The following C9orf85 variants were observed in gnomAD, a reference collection of about 807,000 sequenced individuals.
The protein encoded by C9orf85 is uncharacterized protein C9orf85.
In C9orf85, 16 loss-of-function variants were observed where a neutral mutation model predicts 14.9. That is an observed-to-expected ratio of 1.08 (90% CI 0.73 to 1.63). The LOEUF (loss-of-function observed/expected upper bound fraction) is 1.63. C9orf85 is among the 40% of genes most tolerant of loss of function. The pLI is 0.00. For missense variants in C9orf85, 172 were observed against 186.1 expected (o/e 0.92, Z 0.44); for synonymous variants, 45 against 56.8 (o/e 0.79, Z 0.93).
At chr9:71,939,006 A>T (rs903650564) in intron 1 of C9orf85, among the ~76,000 whole-genome samples, 5 of 151,794 alleles carry the variant, frequency 3.3e-5, no homozygotes, top group Non-Finnish European at 5.9e-5. Flanking sequence ...GTAAATATAT[A>T]CTTGAAGTGC....
intron 1 of C9orf85, among the ~76,000 whole-genome samples, chr9:71,930,493 G>C (rs974179797): frequency 2.0e-5 from 3 of 151,908 alleles, no homozygotes; most frequent in Admixed American, 6.6e-5. Flanking sequence ...ATGGCTATGT[G>C]GACAGTAAAG....
At chr9:71,976,527 T>TG (rs1822998741), downstream of C9orf85, among the ~76,000 whole-genome samples, 1 of 152,106 alleles carries the variant, frequency 6.6e-6, no homozygotes, top group Admixed American at 6.6e-5. Flanking sequence ...CCGGGCGTGG[T>TG]GGCGGGCGCC....
intron 1 of C9orf85, among the ~76,000 whole-genome samples, chr9:71,922,451 G>C (rs1355594306): frequency 6.6e-6 from 1 of 152,074 alleles, no homozygotes; most frequent in Non-Finnish European, 1.5e-5. Flanking sequence ...GCCCTACCTG[G>C]CTATTCCTGG....
chr9:71,913,803 A>T (rs938360328), intron 1 of C9orf85, among the ~76,000 whole-genome samples: 2 of 147,496 alleles, frequency 1.4e-5, no homozygotes, highest in African/African-American at 4.9e-5. Flanking sequence ...GGTGTTATCT[A>T]ATAACTATGT....
chr9:71,918,329 TA>T, intron 1 of C9orf85: 1 of 655,228 alleles, frequency 1.5e-6, no homozygotes, highest in Non-Finnish European at 2.3e-6. Context: ...TCTTCAGAAA[TA>T]AAAACAAGTT....
chr9:71,955,520 A>G (rs1822360459), intron 2 of C9orf85, among the ~76,000 whole-genome samples: 1 of 152,282 alleles, frequency 6.6e-6, no homozygotes, highest in Middle Eastern at 3.4e-3. Context: ...AAGTACATAA[A>G]CAGCTGGATT....
At chr9:71,976,676 A>C (rs997162863), downstream of C9orf85, among the ~76,000 whole-genome samples, 3 of 151,454 alleles carry the variant, frequency 2.0e-5, no homozygotes, top group Non-Finnish European at 4.4e-5. Flanking sequence ...AAAAAAAAAA[A>C]ATTCTTATTC....
At chr9:71,961,554 C>T (rs1822525213) in intron 2 of C9orf85, among the ~76,000 whole-genome samples, 1 of 152,026 alleles carries the variant, frequency 6.6e-6, no homozygotes, top group African/African-American at 2.4e-5. Context: ...AAGTAAGACT[C>T]CGCCTCAAAA....
intron 2 of C9orf85, among the ~76,000 whole-genome samples, chr9:71,966,454 T>C (rs1822693404): frequency 6.6e-6 from 1 of 152,168 alleles, no homozygotes; most frequent in South Asian, 2.1e-4. Flanking sequence ...TGGAAAAATT[T>C]ATATTTAGGA....
intron 2 of C9orf85, among the ~76,000 whole-genome samples, chr9:71,967,044 ATTCTT>A (rs1486857861): frequency 6.6e-6 from 1 of 152,122 alleles, no homozygotes; most frequent in Admixed American, 6.5e-5. Flanking sequence ...TTGTTTTTTC[ATTCTT>A]TTAAGAGTGT....
chr9:71,968,115 G>GAA (rs1822750080), intron 2 of C9orf85, among the ~76,000 whole-genome samples: 1 of 149,750 alleles, frequency 6.7e-6, no homozygotes, highest in Non-Finnish European at 1.5e-5. Context: ...GAGAGAGAGA[G>GAA]AGAGTGCATG....
At chr9:71,983,360 A>C (rs1788379413), downstream of C9orf85, 1 of 152,160 alleles carries the variant, frequency 6.6e-6, no homozygotes, top group Non-Finnish European at 1.5e-5. Flanking sequence ...GTCTATTCAG[A>C]TGTGTTGCCC....
chr9:71,949,261 A>C (rs564637976), intron 2 of C9orf85, among the ~76,000 whole-genome samples: 1 of 152,232 alleles, frequency 6.6e-6, no homozygotes, highest in Non-Finnish European at 1.5e-5. Context: ...GTAACAAAGG[A>C]AATGATTTAA....
intron 1 of C9orf85, among the ~76,000 whole-genome samples, chr9:71,922,764 A>G (rs1827844790): frequency 6.6e-6 from 1 of 152,206 alleles, no homozygotes; most frequent in African/African-American, 2.4e-5. Flanking sequence ...TCTCATTGCC[A>G]CCTCAGAAGT....
intron 1 of C9orf85, among the ~76,000 whole-genome samples, chr9:71,944,117 C>T (rs894622791): frequency 6.6e-6 from 1 of 151,312 alleles, no homozygotes; most frequent in Non-Finnish European, 1.5e-5. Flanking sequence ...GCCTGTAATC[C>T]CAGCTGCTCA....
intron 1 of C9orf85, among the ~76,000 whole-genome samples, chr9:71,920,604 T>C (rs113826362): frequency 1.3e-5 from 2 of 152,168 alleles, no homozygotes; most frequent in African/African-American, 4.8e-5. Flanking sequence ...ACTCCACACC[T>C]GCAAAAATAT....
rs529598943 is a variant in C9orf85, at chr9:71,979,748, A to G, written c.324-2909A>G. 2.5e-4 allele frequency among the ~76,000 whole-genome samples: 38 copies of G among 152,326 alleles called. 1 individual carries two copies. The highest frequency in any genetic ancestry group is 3.4e-3 in the Middle Eastern group (1 of 294). On this transcript the variant is annotated intron_variant, in intron 3 of 3. Transcript: ENST00000377031. ...CAAAACTATAACTATTGCTAATTAT[A>G]ATTGATATCACACACACACCAAGGA...
At chr9:71,976,268 CAGG>C (rs1469202718), downstream of C9orf85, among the ~76,000 whole-genome samples, 1 of 152,106 alleles carries the variant, frequency 6.6e-6, no homozygotes, top group Non-Finnish European at 1.5e-5. Context: ...TGATATCTGG[CAGG>C]AGGATATCAA....
At chr9:71,969,689 A>G (rs1822805552) in intron 2 of C9orf85, among the ~76,000 whole-genome samples, 1 of 152,116 alleles carries the variant, frequency 6.6e-6, no homozygotes, top group South Asian at 2.1e-4. Context: ...TTTTTGTTTA[A>G]TATAATTTGT....
Sources: gnomAD v4.1 joint callset for allele counts (sites outside exome capture counted in the v4.1 genomes callset) on GRCh38, gnomAD v4.1.1 for gene constraint, MANE v1.5 for transcripts, NCBI Gene and HGNC (gene_info 2026-07-23, HGNC 2026-07-21) for gene names.